Variants in ATG7 observed in about 807,000 individuals in gnomAD.
ATG7 encodes ubiquitin-like modifier-activating enzyme ATG7.
ATG7 carries 70 observed loss-of-function variants against 82.4 expected under a neutral mutation model. The observed-to-expected ratio is 0.85, with a 90% CI of 0.70 to 1.04. The LOEUF (loss-of-function observed/expected upper bound fraction) is 1.04. ATG7 is among the 50% of genes least tolerant of loss of function. ATG7 has a pLI of 0.00. For missense variants in ATG7, 792 were observed against 864.3 expected, an observed-to-expected ratio of 0.92 and a Z score of 1.05; for synonymous variants, 287 against 313.0, an observed-to-expected ratio of 0.92 and a Z score of 0.88.
chr3:11,550,528 T>C (rs1264797024), intron 20 of ATG7, among the ~76,000 whole-genome samples: 1 of 152,122 alleles, frequency 6.6e-6, no homozygotes, highest in Non-Finnish European at 1.5e-5. Flanking sequence ...CCTGAGTTGC[T>C]GGGACTACAG....
rs140632796 is a variant in ATG7 at position 11,465,800 on chromosome 3, C to A, written c.2079+38874C>A. ...ATAAAAAAGCCTGTAGCCCCTCTTC[C>A]TTCCCTAATATATTTGGCTTCTATA... On this transcript the variant is annotated intron_variant, in intron 20 of 20. Transcript: ENST00000693202. Among the ~76,000 whole-genome samples, 136 of 152,030 alleles carry A rather than the reference C, an allele frequency of 8.9e-4. 1 individual carries two copies. The highest frequency in any genetic ancestry group is 1.7e-3 in the Non-Finnish European group (113 of 67,996).
intron 19 of ATG7, among the ~76,000 whole-genome samples, chr3:11,400,834 G>A (rs1309099427): frequency 3.5e-5 from 5 of 143,310 alleles, no homozygotes; most frequent in African/African-American, 1.3e-4. Context: ...CATTACAAAC[G>A]TCACTCAGGG....
rs374799715 is a variant in ATG7, at chr3:11,463,002, C to T, written c.2079+36076C>T. On this transcript the variant is annotated intron_variant, in intron 20 of 20. Transcript: ENST00000693202. ...CTGGGTTCAAGCGATTCTTCCACCT[C>T]AGCCTCCCAAGGAGCTGGGATGACA... Among the ~76,000 whole-genome samples the T allele has an allele frequency of 2.6e-5, 4 of 152,112 alleles. No individual in the cohort carries two copies. The East Asian group carries it at 5.8e-4, about 22-fold the overall frequency.
chr3:11,385,146 C>T (rs1466179385), intron 19 of ATG7, among the ~76,000 whole-genome samples: 1 of 152,198 alleles, frequency 6.6e-6, no homozygotes, highest in Non-Finnish European at 1.5e-5. Flanking sequence ...TCTCCTGCCT[C>T]AGCCTCCTGG....
chr3:11,341,106 G>C (rs960200648), intron 12 of ATG7, among the ~76,000 whole-genome samples: 2 of 142,926 alleles, frequency 1.4e-5, no homozygotes, highest in Non-Finnish European at 1.5e-5. Flanking sequence ...GCACTGTGCA[G>C]GCTGGAATAC....
chr3:11,429,388 C>T (rs1282383450), intron 20 of ATG7, among the ~76,000 whole-genome samples: 11 of 151,826 alleles, frequency 7.2e-5, no homozygotes, highest in Admixed American at 6.6e-4. Flanking sequence ...CCCAGTTACT[C>T]GGGAGGCTGA....
intron 20 of ATG7, among the ~76,000 whole-genome samples, chr3:11,456,755 G>A (rs2085763218): frequency 6.6e-6 from 1 of 152,164 alleles, no homozygotes; most frequent in Non-Finnish European, 1.5e-5. Context: ...AGACACTTGT[G>A]AAGTTTTTTT....
intron 19 of ATG7, among the ~76,000 whole-genome samples, chr3:11,380,698 C>G (rs1348614349): frequency 6.6e-6 from 1 of 152,144 alleles, no homozygotes; most frequent in Non-Finnish European, 1.5e-5. Context: ...TTCAAGTGTT[C>G]CTTTCAGCCT....
chr3:11,278,829 G>A (rs1182861074), intron 1 of ATG7, among the ~76,000 whole-genome samples: 2 of 152,226 alleles, frequency 1.3e-5, no homozygotes, highest in Admixed American at 1.3e-4. Context: ...AGGTAAGGTA[G>A]TTGGTGCTCT....
chr3:11,535,533 T>C (rs2092774489), intron 20 of ATG7, among the ~76,000 whole-genome samples: 1 of 152,076 alleles, frequency 6.6e-6, no homozygotes, highest in African/African-American at 2.4e-5. Flanking sequence ...AGTGGGACAG[T>C]AGCCCTGCCT....
At chr3:11,567,375 A>C in the ATG7 span, among the ~76,000 whole-genome samples, 1 of 152,250 alleles carries the variant, frequency 6.6e-6, no homozygotes, top group African/African-American at 2.4e-5. Context: ...GTATTCGTTT[A>C]TGGGGTTTTT....
chr3:11,405,430 G>C (rs1024824378), intron 19 of ATG7, among the ~76,000 whole-genome samples: 1 of 152,022 alleles, frequency 6.6e-6, no homozygotes, highest in Admixed American at 6.5e-5. Context: ...CCAAGATTCA[G>C]TTTTTCTTGA....
intron 11 of ATG7, among the ~76,000 whole-genome samples, chr3:11,334,055 G>T (rs112663613): frequency 3.3e-5 from 5 of 151,192 alleles, no homozygotes; most frequent in African/African-American, 1.2e-4. Context: ...GGCCAGCTTC[G>T]GGAATATTTC....
intron 3 of ATG7, among the ~76,000 whole-genome samples, chr3:11,288,956 C>T (rs547179979): frequency 9.2e-5 from 14 of 152,292 alleles, no homozygotes; most frequent in African/African-American, 2.9e-4. Context: ...AGTTCTTGCT[C>T]ATTACAGTGT....
intron 4 of ATG7, 52 bp downstream of exon 4, chr3:11,298,907 C>T: frequency 6.3e-7 from 1 of 1,591,130 alleles, no homozygotes; most frequent in Non-Finnish European, 8.6e-7. Context: ...CCTCACGGTC[C>T]TCCAGTATAG....
intron 20 of ATG7, among the ~76,000 whole-genome samples, chr3:11,434,951 G>T (rs2083242089): frequency 6.6e-6 from 1 of 152,160 alleles, no homozygotes; most frequent in Non-Finnish European, 1.5e-5. Flanking sequence ...AGTGTCCTGT[G>T]CATGCTTCCC....
At chr3:11,359,014 T>C (rs1445569996) in intron 15 of ATG7, among the ~76,000 whole-genome samples, 4 of 152,178 alleles carry the variant, frequency 2.6e-5, no homozygotes, top group Non-Finnish European at 5.9e-5. Flanking sequence ...CACAGTTATG[T>C]TTTCAAAGGA....
chr3:11,283,113 A>G (rs949145584), intron 3 of ATG7, among the ~76,000 whole-genome samples: 11 of 152,160 alleles, frequency 7.2e-5, no homozygotes, highest in Non-Finnish European at 1.5e-4. Context: ...GAAATCGGAC[A>G]CTGAGTGCTC....
chr3:11,316,312 T>C (rs1343672991), intron 9 of ATG7, among the ~76,000 whole-genome samples: 1 of 152,208 alleles, frequency 6.6e-6, no homozygotes, highest in African/African-American at 2.4e-5. Flanking sequence ...TCATAAAGCA[T>C]TGCTCCAGCT....
Sources: allele counts gnomAD v4.1 joint callset (sites outside exome capture counted in the v4.1 genomes callset), GRCh38; gene constraint gnomAD v4.1.1; transcripts MANE v1.5; gene names NCBI Gene and HGNC (gene_info 2026-07-23, HGNC 2026-07-21).